The following ATRIP variants were observed in gnomAD, a reference collection of about 807,000 sequenced individuals.
The protein encoded by ATRIP is ATR interacting protein.
Under a neutral mutation model 78.1 loss-of-function variants are expected in ATRIP, and 44 were observed. That is an observed-to-expected ratio of 0.56 (90% confidence interval 0.44 to 0.72). The LOEUF (loss-of-function observed/expected upper bound fraction) is 0.72. Among genes scored for constraint, ATRIP ranks in the 30% least tolerant of loss-of-function variants. The probability of loss-of-function intolerance (pLI) is 0.00; values close to 1 mark genes in which losing one functional copy is unlikely to be tolerated. For synonymous variants in ATRIP, 388 were observed against 408.9 expected (o/e 0.95, Z 0.62); for missense variants, 927 against 980.2 (o/e 0.95, Z 0.72).
intron 9 of ATRIP, 56 bp downstream of exon 9, chr3:48,463,937 G>A (rs2040191831): frequency 6.2e-7 from 1 of 1,610,306 alleles, no homozygotes; most frequent in Non-Finnish European, 8.5e-7. Flanking sequence ...GGGAAGGGTT[G>A]GGGTGGGAAC....
intron 1 of ATRIP, chr3:48,447,520 C>A (rs1464959858): frequency 3.2e-5 from 32 of 990,090 alleles, no homozygotes; most frequent in Non-Finnish European, 3.7e-5. Flanking sequence ...GAGCCAGACA[C>A]AGGCAAGAGA....
At chr3:48,465,175 C>A in intron 12 of ATRIP, 92 bp downstream of exon 12, 1 of 1,486,058 alleles carries the variant, frequency 6.7e-7, no homozygotes. Context: ...CCTCAGCAGG[C>A]CCCCGCCCAC....
chr3:48,467,643 A>T lies in ATRIP; in HGVS notation c.*2089A>T. On this transcript the variant is annotated 3_prime_UTR_variant, in exon 13 of 13. Coordinates refer to ENST00000320211, the MANE Select transcript of ATRIP (RefSeq NM_130384.3). ...GACGAATAAAGACCCCCGCTGCCCCATAGCACTGAGTGGTCAATTGGCTCC... is the reference window on the plus strand; with the variant it reads ...GACGAATAAAGACCCCCGCTGCCCCTTAGCACTGAGTGGTCAATTGGCTCC... 6.3e-7 allele frequency: 1 copy of T among 1,587,688 alleles called. No homozygotes were observed. Among genetic ancestry groups the T allele is most frequent in the Non-Finnish European group, 8.6e-7 (1 of 1,166,720 alleles).
Position 48,467,567 on chromosome 3 carries a change from GTATGGACTA to G in ATRIP, c.*2015_*2023del. 6.8e-6 allele frequency: 11 copies of G among 1,613,512 alleles called. No homozygotes were observed. Among genetic ancestry groups the G allele is most frequent in the Non-Finnish European group, 9.3e-6 (11 of 1,179,786 alleles). On this transcript the variant is annotated 3_prime_UTR_variant, in exon 13 of 13. Transcript: ENST00000320211. Reference sequence around the variant, plus strand: ...TCCTGACCTTGGCAGTAGCCACACTGTATGGACTATCCCTGGCCACACCTGGGGAGTAGG... The same window carrying G: ...TCCTGACCTTGGCAGTAGCCACACTGTCCCTGGCCACACCTGGGGAGTAGG...
chr3:48,460,461 C>T lies in ATRIP; in HGVS notation c.1407C>T (p.Cys469=), dbSNP rs2040072795. ...AGACCAACCCTGAGGACTCAGTGTGCATCCTGGAAGGCTTCTCTGTGACTG... is the reference window on the plus strand; with the variant it reads ...AGACCAACCCTGAGGACTCAGTGTGTATCCTGGAAGGCTTCTCTGTGACTG... ...GVETNPEDSV[C]ILEGFSVTAL... is the part of the protein sequence containing the mutation. The change falls in exon 8 of 13, where the codon TGC becomes TGT. Residue 469 remains cysteine, a synonymous_variant. Transcript: ENST00000320211. 6.2e-7 allele frequency: 1 copy of T among 1,610,408 alleles called. No individual in the cohort carries two copies. The highest frequency in any genetic ancestry group is 8.5e-7 in the Non-Finnish European group (1 of 1,177,996).
intron 8 of ATRIP, among the ~76,000 whole-genome samples, chr3:48,462,134 C>T (rs957215286): frequency 6.6e-6 from 1 of 151,600 alleles, no homozygotes; most frequent in Non-Finnish European, 1.5e-5. Context: ...TTGAGACCAG[C>T]GTGGGCAACA....
At chr3:48,450,594 T>TC in intron 2 of ATRIP, 1 of 1,192,344 alleles carries the variant, frequency 8.4e-7, no homozygotes, top group African/African-American at 1.6e-5. Context: ...CCCAGATTTT[T>TC]TTTTTTTTTT....
intron 6 of ATRIP, 128 bp downstream of exon 6, chr3:48,459,582 G>A (rs2040044606): frequency 1.7e-6 from 2 of 1,176,598 alleles, no homozygotes; most frequent in South Asian, 2.6e-5. Flanking sequence ...GTCAAAGTAT[G>A]TGGCTTAAGC....
At chr3:48,464,190 G>A in intron 10 of ATRIP, 58 bp downstream of exon 10, 1 of 1,403,410 alleles carries the variant, frequency 7.1e-7, no homozygotes, top group Non-Finnish European at 1.0e-6. Flanking sequence ...AGAACCAACA[G>A]AATCTCCTTT....
At chr3:48,455,346 A>G (rs2039929685) in intron 4 of ATRIP, among the ~76,000 whole-genome samples, 1 of 152,210 alleles carries the variant, frequency 6.6e-6, no homozygotes, top group Non-Finnish European at 1.5e-5. Flanking sequence ...GCATTATATG[A>G]TCAGATCAGA....
At position 48,460,530 on chromosome 3, in the gene ATRIP, C is replaced by T. The variant is rs34508594; in HGVS notation, c.1476C>T (p.Val492=). 2,903 of 1,613,992 alleles carry T rather than the reference C, an allele frequency of 1.8e-3. 5 individuals are homozygous for T. The highest frequency in any genetic ancestry group is 2.0e-3 in the Non-Finnish European group (2,356 of 1,179,950). The change falls in exon 8 of 13, where the codon GTC becomes GTT. Residue 492 remains valine (V), a synonymous_variant. Coordinates refer to ENST00000320211, the MANE Select transcript of ATRIP (RefSeq NM_130384.3). ...ACCTGGTGTGCCACAGCGGAGCAGT[C>T]GTCTCCCTATTACTGTCAGGAGTGG... is the stretch of plus-strand genomic sequence containing the variant. ...LQHLVCHSGA[V]VSLLLSGVGA... is the part of the protein sequence containing the mutation.
In ATRIP at chr3:48,464,815, A is replaced by ACC; in HGVS notation, c.2056-10_2056-9dup. The ACC allele has an allele frequency of 6.2e-7, 1 of 1,602,056 alleles. No homozygotes were observed. The highest frequency in any genetic ancestry group is 1.7e-5 in the Admixed American group (1 of 59,628). On this transcript the variant is annotated splice_polypyrimidine_tract_variant and intron_variant, in intron 11 of 12. Coordinates refer to ENST00000320211, the MANE Select transcript of ATRIP (RefSeq NM_130384.3). ...ATGGTGGCACCAGGCCTCAGTCTGCACCCCCCCTCTCTCAGGTGGTCAGAG... is the reference window on the plus strand; with the variant it reads ...ATGGTGGCACCAGGCCTCAGTCTGCACCCCCCCCCTCTCTCAGGTGGTCAGAG...
Position 48,466,412 on chromosome 3 carries a change from A to C in ATRIP, c.*858A>C. 1 of 1,601,552 alleles carries C rather than the reference A, an allele frequency of 6.2e-7. No individual in the cohort carries two copies. The highest frequency in any genetic ancestry group is 1.1e-5 in the South Asian group (1 of 90,524). ...AGGGGAGGGGCCGAGTCATGTGAAGAGGGAGACCCTCTCAGACAGTCGAAT... is the reference window on the plus strand; with the variant it reads ...AGGGGAGGGGCCGAGTCATGTGAAGCGGGAGACCCTCTCAGACAGTCGAAT... On this transcript the variant is annotated 3_prime_UTR_variant, in exon 13 of 13. Coordinates refer to ENST00000320211, the MANE Select transcript of ATRIP (RefSeq NM_130384.3).
intron 6 of ATRIP, 164 bp downstream of exon 6, chr3:48,459,618 C>T: frequency 1.8e-6 from 2 of 1,137,402 alleles, no homozygotes; most frequent in Non-Finnish European, 2.5e-6. Flanking sequence ...GTGGAAAGGG[C>T]CAAGGGCAGG....
intron 4 of ATRIP, among the ~76,000 whole-genome samples, chr3:48,456,827 G>A (rs895889234): frequency 1.3e-5 from 2 of 151,934 alleles, no homozygotes; most frequent in African/African-American, 4.8e-5. Flanking sequence ...GAATAGTAAA[G>A]GAATTATGGC....
chr3:48,465,056 G>T lies in ATRIP; in HGVS notation c.2281G>T (p.Gly761Trp). Residue 761 changes from glycine (G) to tryptophan (W), a missense_variant, in exon 12 of 13, where the codon GGG becomes TGG. Gly to Trp is a radical substitution (Grantham distance 184). Transcript: ENST00000320211. ...GCCGGGGGTCAGCATGCTCATCCGA[G>T]GGCTTCCTGATGTGACGGACTGTGA... ...VMPGVSMLIR[G>W]LPDVTDCEEA... The T allele has an allele frequency of 6.2e-7, 1 of 1,612,884 alleles. No individual in the cohort carries two copies. The highest frequency in any genetic ancestry group is 8.5e-7 in the Non-Finnish European group (1 of 1,179,246).
At chr3:48,458,062 C>G (rs1310055555) in intron 5 of ATRIP, among the ~76,000 whole-genome samples, 1 of 149,440 alleles carries the variant, frequency 6.7e-6, no homozygotes, top group Non-Finnish European at 1.5e-5. Context: ...GGAGTTGTGT[C>G]AAAGCATTTG....
chr3:48,449,526 A>G (rs908232356), intron 1 of ATRIP, among the ~76,000 whole-genome samples: 3 of 150,964 alleles, frequency 2.0e-5, no homozygotes, highest in African/African-American at 7.3e-5. Flanking sequence ...CTCAAGAGTA[A>G]TTCTTCCCAG....
At chr3:48,452,929 G>T (rs1190108272) in intron 3 of ATRIP, among the ~76,000 whole-genome samples, 2 of 146,374 alleles carry the variant, frequency 1.4e-5, no homozygotes, top group African/African-American at 5.1e-5. Flanking sequence ...CTCTTGCCCA[G>T]GCTGGAGTGC....
Sources: allele counts gnomAD v4.1 joint callset (sites outside exome capture counted in the v4.1 genomes callset), GRCh38; gene constraint gnomAD v4.1.1; transcripts MANE v1.5; gene names NCBI Gene and HGNC (gene_info 2026-07-23, HGNC 2026-07-21).